Variants in CMTM6 observed in about 807,000 individuals in gnomAD.
CMTM6 encodes the protein CKLF like MARVEL transmembrane domain containing 6, also known as CKLF-like MARVEL transmembrane domain-containing protein 6.
Under a neutral mutation model 13.6 loss-of-function variants are expected in CMTM6, and 5 were observed. The observed-to-expected ratio is 0.37, with a 90% confidence interval of 0.19 to 0.77. The LOEUF (loss-of-function observed/expected upper bound fraction) is 0.77. Among genes scored for constraint, CMTM6 ranks in the 30% least tolerant of loss-of-function variants. The pLI, the probability that CMTM6 is intolerant of heterozygous loss-of-function variation, is 0.50. For synonymous variants in CMTM6, 99 were observed against 84.5 expected, an observed-to-expected ratio of 1.17 and a Z score of -0.94; for missense variants, 196 against 218.6, an observed-to-expected ratio of 0.90 and a Z score of 0.65.
At position 32,495,791 on chromosome 3, in the gene CMTM6, T is replaced by G. The variant is rs73826570; in HGVS notation, c.139-3905A>C. 3.9e-3 allele frequency among the ~76,000 whole-genome samples: 595 copies of G among 152,276 alleles called. 6 individuals carry two copies. The highest frequency in any genetic ancestry group is 0.014 in the African/African-American group (570 of 41,536). ...ATTACAAGTCCTATTCCAAACGTAT[T>G]AACAGGTGGCATTCCTACTGACCTT... On this transcript the variant is annotated intron_variant, in intron 1 of 3. Transcript: ENST00000205636.
intron 1 of CMTM6, among the ~76,000 whole-genome samples, 186 bp downstream of exon 1, chr3:32,502,422 G>A (rs1327477624): frequency 1.3e-5 from 2 of 152,246 alleles, no homozygotes; most frequent in African/African-American, 4.8e-5. Flanking sequence ...TTGGGACTGA[G>A]GGGCCGCCCG....
chr3:32,498,412 A>C (rs1697314687), intron 1 of CMTM6, among the ~76,000 whole-genome samples: 1 of 152,184 alleles, frequency 6.6e-6, no homozygotes, highest in Admixed American at 6.5e-5. Flanking sequence ...TGGCTTTTTG[A>C]AGTTAAACCC....
chr3:32,492,446 T>A (rs1283725781), intron 1 of CMTM6, among the ~76,000 whole-genome samples: 2 of 152,084 alleles, frequency 1.3e-5, no homozygotes, highest in African/African-American at 4.8e-5. Context: ...GCTAGAGAGG[T>A]AAGCTGAGGC....
chr3:32,492,316 C>CCAA (rs1317870393), intron 1 of CMTM6, among the ~76,000 whole-genome samples: 1 of 152,074 alleles, frequency 6.6e-6, no homozygotes, highest in African/African-American at 2.4e-5. Flanking sequence ...GCCCTCTGAC[C>CCAA]CAACATACAG....
chr3:32,502,828 C>T lies in CMTM6; in HGVS notation c.-83G>A. On this transcript the variant is annotated 5_prime_UTR_variant, in exon 1 of 4. Coordinates refer to ENST00000205636, the MANE Select transcript of CMTM6 (RefSeq NM_017801.3). The stretch of plus-strand genomic sequence containing the variant: ...CCAGAAGTCCCCGGTAGCCGGGAGG[C>T]GGCCGTCACTTCCTGGGCCTTCTCC... The T allele has an allele frequency of 7.4e-7, 1 of 1,348,432 alleles. No homozygotes were observed. The allele number at this position is 1,348,432 out of a possible 1,614,324, so 83.5% of individuals were successfully genotyped here.
Position 32,494,493 on chromosome 3 carries a change from T to C in CMTM6, c.139-2607A>G, listed in dbSNP as rs148814398. Reference sequence around the variant, plus strand: ...TTAAAAACTAAGCATATATCTACCATATGACCCAGAAATAGAACTCTTGGG... The same window carrying C: ...TTAAAAACTAAGCATATATCTACCACATGACCCAGAAATAGAACTCTTGGG... On this transcript the variant is annotated intron_variant, in intron 1 of 3. Transcript: ENST00000205636. 1.9e-4 allele frequency among the ~76,000 whole-genome samples: 29 copies of C among 152,282 alleles called. No individual in the cohort carries two copies. The Middle Eastern group carries it at 0.027, about 143-fold the overall frequency.
intron 1 of CMTM6, among the ~76,000 whole-genome samples, chr3:32,498,409 T>C (rs1019859148): frequency 3.3e-5 from 5 of 151,670 alleles, no homozygotes; most frequent in Non-Finnish European, 5.9e-5. Context: ...GACTGGCTTT[T>C]TGAAGTTAAA....
chr3:32,497,369 C>T (rs1165305684), intron 1 of CMTM6, among the ~76,000 whole-genome samples: 3 of 120,188 alleles, frequency 2.5e-5, no homozygotes, highest in East Asian at 2.3e-4. Flanking sequence ...TGGGCAACAG[C>T]GAGACTCTGT....
chr3:32,500,983 G>GT (rs1363957509), intron 1 of CMTM6, among the ~76,000 whole-genome samples: 15 of 149,874 alleles, frequency 1.0e-4, no homozygotes, highest in Admixed American at 2.7e-4. Flanking sequence ...ATCACCTGAA[G>GT]TCAGGAGTTT....
intron 1 of CMTM6, among the ~76,000 whole-genome samples, chr3:32,501,986 G>A (rs1697349063): frequency 6.6e-6 from 1 of 152,234 alleles, no homozygotes; most frequent in South Asian, 2.1e-4. Context: ...TCCTAGTTCA[G>A]CTATCCGCAC....
intron 1 of CMTM6, among the ~76,000 whole-genome samples, chr3:32,499,583 G>A (rs1697328121): frequency 6.6e-6 from 1 of 152,110 alleles, no homozygotes; most frequent in Non-Finnish European, 1.5e-5. Flanking sequence ...AATAAAACAT[G>A]AACATGTGGA....
At chr3:32,493,751 C>CA (rs2125658036) in intron 1 of CMTM6, among the ~76,000 whole-genome samples, 1 of 152,330 alleles carries the variant, frequency 6.6e-6, no homozygotes, top group African/African-American at 2.4e-5. Context: ...TATTTACACA[C>CA]ACATGCACAA....
chr3:32,487,925 A>G lies in CMTM6; in HGVS notation c.414+13T>C, dbSNP rs147316002. Reference sequence around the variant, plus strand: ...AACAAAAATAAGCAATGTTAAAAATACAAGGTACTTACAATTGCAGCAATC... The same window carrying G: ...AACAAAAATAAGCAATGTTAAAAATGCAAGGTACTTACAATTGCAGCAATC... On this transcript the variant is annotated intron_variant, in intron 3 of 3. Coordinates refer to ENST00000205636, the MANE Select transcript of CMTM6 (RefSeq NM_017801.3). 4.6e-5 allele frequency: 72 copies of G among 1,578,842 alleles called. No homozygotes were observed. In the African/African-American group the frequency reaches 8.5e-4, roughly 19 times the overall value.
intron 2 of CMTM6, chr3:32,488,267 A>G (rs1697221960): frequency 2.8e-6 from 1 of 351,914 alleles, no homozygotes; most frequent in Non-Finnish European, 5.2e-6. Context: ...ACATTACAAG[A>G]TAAACTTTTA....
chr3:32,501,990 T>C (rs2125660795), intron 1 of CMTM6, among the ~76,000 whole-genome samples: 1 of 152,364 alleles, frequency 6.6e-6, no homozygotes, highest in South Asian at 2.1e-4. Flanking sequence ...AGTTCAGCTA[T>C]CCGCACATAC....
rs149999414 is a variant in CMTM6 at position 32,489,506 on chromosome 3, C to T, written c.316-1470G>A. ...TCTCTATTAAAAATACAAAAATTAG[C>T]TGGGTGTGGTGGCAGGCACCTGTAA... On this transcript the variant is annotated intron_variant, in intron 2 of 3. Transcript: ENST00000205636. 6.5e-3 allele frequency among the ~76,000 whole-genome samples: 994 copies of T among 151,866 alleles called. 16 individuals are homozygous for T. Among genetic ancestry groups the T allele is most frequent in the African/African-American group, 0.023 (949 of 41,404 alleles).
intron 1 of CMTM6, among the ~76,000 whole-genome samples, chr3:32,495,151 C>G (rs1018334673): frequency 6.6e-6 from 1 of 152,030 alleles, no homozygotes; most frequent in Non-Finnish European, 1.5e-5. Flanking sequence ...TGTATACATC[C>G]CCACAACTGC....
rs560723498 is a variant in CMTM6, at chr3:32,481,486, G to C, written c.*2474C>G. 6.6e-6 allele frequency: 1 copy of C among 151,980 alleles called. No homozygotes were observed. The highest frequency in any genetic ancestry group is 2.4e-5 in the African/African-American group (1 of 41,484). 9.4% of individuals were successfully genotyped at this position (151,980 alleles called of 1,614,324 possible). A position where few individuals can be genotyped will look rare whatever the true frequency, so the allele number is the denominator to read the frequency against. On this transcript the variant is annotated 3_prime_UTR_variant, in exon 4 of 4. Coordinates refer to ENST00000205636, the MANE Select transcript of CMTM6 (RefSeq NM_017801.3). ...CAAGTATAGTAATTATAAAATTTTT[G>C]TACTGTGAGTTCATTTCTCTTATAA...
chr3:32,494,562 C>T (rs1016339673), intron 1 of CMTM6, among the ~76,000 whole-genome samples: 29 of 151,988 alleles, frequency 1.9e-4, no homozygotes, highest in South Asian at 2.1e-4. Context: ...GTACAAAAAC[C>T]GGTACGTGAA....
Sources: allele counts gnomAD v4.1 joint callset (sites outside exome capture counted in the v4.1 genomes callset), GRCh38; gene constraint gnomAD v4.1.1; transcripts MANE v1.5; gene names NCBI Gene and HGNC (gene_info 2026-07-23, HGNC 2026-07-21).